PRDM6: variants seen among roughly 807,000 people sequenced by gnomAD.
The protein encoded by PRDM6 is putative histone-lysine N-methyltransferase PRDM6.
A neutral mutation model predicts 60.8 loss-of-function variants in PRDM6; 25 were observed. The ratio of observed to expected loss-of-function variants is 0.41; its 90% confidence interval spans 0.30 to 0.57. The LOEUF (loss-of-function observed/expected upper bound fraction) is 0.57. Among genes scored for constraint, PRDM6 ranks in the 20% least tolerant of loss-of-function variants. PRDM6 has a pLI of 0.27. For synonymous variants in PRDM6, 407 were observed against 357.4 expected, an observed-to-expected ratio of 1.14 and a Z score of -1.57; for missense variants, 839 against 821.3, an observed-to-expected ratio of 1.02 and a Z score of -0.26.
chr5:123,112,927 C>G (rs995429852), intron 3 of PRDM6, among the ~76,000 whole-genome samples: 1 of 151,356 alleles, frequency 6.6e-6, no homozygotes, highest in African/African-American at 2.4e-5. Context: ...TAGTAAACAA[C>G]ATCTCAATCT....
At chr5:123,143,177 GTA>G (rs1554088551) in intron 3 of PRDM6, among the ~76,000 whole-genome samples, 1 of 150,694 alleles carries the variant, frequency 6.6e-6, no homozygotes, top group African/African-American at 2.4e-5. Context: ...GTGTGTGTGT[GTA>G]TGTGGGTGTG....
At position 123,190,010 on chromosome 5, in the gene PRDM6, A is replaced by T. The variant is rs1766376130; in HGVS notation, c.*2809A>T. On this transcript the variant is annotated 3_prime_UTR_variant, in exon 8 of 8. Coordinates refer to ENST00000407847, the MANE Select transcript of PRDM6 (RefSeq NM_001136239.4). ...ATGGGTGGTAGAAATTGCAGTCGTAAAATTTGCCAGTTTTTCTTATTAGTA... is the reference window on the plus strand; with the variant it reads ...ATGGGTGGTAGAAATTGCAGTCGTATAATTTGCCAGTTTTTCTTATTAGTA... 6.6e-6 allele frequency: 1 copy of T among 152,220 alleles called. No individual in the cohort carries two copies. Among genetic ancestry groups the T allele is most frequent in the Non-Finnish European group, 1.5e-5 (1 of 68,040 alleles). 9.4% of individuals were successfully genotyped at this position (152,220 alleles called of 1,614,324 possible).
At chr5:123,142,888 AAAAAAAAAAAAAAAC>A (rs1401979820) in intron 3 of PRDM6, among the ~76,000 whole-genome samples, 1 of 148,636 alleles carries the variant, frequency 6.7e-6, no homozygotes, top group African/African-American at 2.5e-5. Flanking sequence ...AAAAAAAAAA[AAAAAAAAAAAAAAAC>A]AAACAAACCA....
At chr5:123,161,353 A>T (rs994351063) in intron 5 of PRDM6, among the ~76,000 whole-genome samples, 8 of 152,246 alleles carry the variant, frequency 5.3e-5, no homozygotes, top group African/African-American at 1.9e-4. Context: ...CTTACATTTT[A>T]ATGGGGGGAG....
In PRDM6 at chr5:123,090,254, G is replaced by T; in HGVS notation, c.240G>T (p.Ser80=). ...GGCCCGCCTCTCTCTCCTCCGCCTC[G>T]TCCACGCCGGCTTCCTCTTCCACCT... ...RPRPASLSSA[S]STPASSSTSA... is the part of the protein sequence containing the mutation. Residue 80 remains serine, a synonymous_variant, in exon 2 of 8, where the codon TCG becomes TCT. Coordinates refer to ENST00000407847, the MANE Select transcript of PRDM6 (RefSeq NM_001136239.4). 2 of 1,482,104 alleles carry T rather than the reference G, an allele frequency of 1.3e-6. No individual in the cohort carries two copies. The highest frequency in any genetic ancestry group is 1.3e-5 in the South Asian group (1 of 78,408). 91.8% of individuals were successfully genotyped at this position (1,482,104 alleles called of 1,614,324 possible). A position where few individuals can be genotyped will look rare whatever the true frequency, so the allele number is the denominator to read the frequency against.
intron 6 of PRDM6, among the ~76,000 whole-genome samples, chr5:123,176,081 G>A (rs905676061): frequency 1.3e-5 from 2 of 152,072 alleles, no homozygotes; most frequent in Non-Finnish European, 2.9e-5. Flanking sequence ...TTCTGTGTCA[G>A]AACTAGCCAC....
intron 6 of PRDM6, among the ~76,000 whole-genome samples, chr5:123,174,702 C>T (rs1483882284): frequency 6.6e-6 from 1 of 152,102 alleles, no homozygotes; most frequent in Non-Finnish European, 1.5e-5. Context: ...CGTAGATCCT[C>T]AGGGATCCCA....
At chr5:123,172,501 G>T (rs1580537261) in intron 6 of PRDM6, among the ~76,000 whole-genome samples, 2 of 152,112 alleles carry the variant, frequency 1.3e-5, no homozygotes, top group South Asian at 4.1e-4. Context: ...AGTTAAAAAT[G>T]TTTTCCTCAT....
intron 3 of PRDM6, among the ~76,000 whole-genome samples, chr5:123,123,181 T>A (rs1057047551): frequency 6.6e-6 from 1 of 152,246 alleles, no homozygotes. Context: ...TCCTTGTCTA[T>A]ATTCGCTACT....
intron 7 of PRDM6, 91 bp downstream of exon 7, chr5:123,180,414 A>C (rs973928404): frequency 7.6e-7 from 1 of 1,315,782 alleles, no homozygotes. Context: ...TGGCTTAGCC[A>C]GCTGGCACAG....
chr5:123,103,350 A>C (rs1034116531), intron 3 of PRDM6, among the ~76,000 whole-genome samples: 10 of 152,056 alleles, frequency 6.6e-5, no homozygotes, highest in African/African-American at 2.4e-4. Context: ...TAATAAATTC[A>C]GATACTTTAA....
intron 2 of PRDM6, among the ~76,000 whole-genome samples, chr5:123,097,536 G>A (rs1173791646): frequency 6.6e-6 from 1 of 152,088 alleles, no homozygotes; most frequent in African/African-American, 2.4e-5. Flanking sequence ...ATAATATGCT[G>A]GTTTTTGGTT....
chr5:123,165,820 TAC>T (rs1765739594), intron 5 of PRDM6, among the ~76,000 whole-genome samples: 1 of 152,206 alleles, frequency 6.6e-6, no homozygotes, highest in Non-Finnish European at 1.5e-5. Context: ...TATTTACCGA[TAC>T]AGAGTGATGA....
rs549970817 is a variant in PRDM6, at chr5:123,122,937, A to C, written c.900+22976A>C. 6.6e-5 allele frequency among the ~76,000 whole-genome samples: 10 copies of C among 152,218 alleles called. No individual in the cohort carries two copies. The East Asian group carries it at 1.9e-3, about 29-fold the overall frequency. The stretch of plus-strand genomic sequence containing the variant: ...GCATATGGATATGGCCTAATTTTGG[A>C]TATTTGACTTGCTTAAATTTTTCCC... On this transcript the variant is annotated intron_variant, in intron 3 of 7. Transcript: ENST00000407847.
chr5:123,147,887 A>G (rs368030661), intron 3 of PRDM6, among the ~76,000 whole-genome samples: 7 of 152,326 alleles, frequency 4.6e-5, no homozygotes, highest in South Asian at 2.1e-4. Flanking sequence ...GCCTTCAGAG[A>G]TAAGTGGAAT....
intron 5 of PRDM6, among the ~76,000 whole-genome samples, chr5:123,169,064 G>A (rs1209012653): frequency 6.6e-6 from 1 of 152,256 alleles, no homozygotes; most frequent in Non-Finnish European, 1.5e-5. Flanking sequence ...CTGGTGGCCA[G>A]TGGCCATAGT....
chr5:123,120,015 G>A (rs765455050), intron 3 of PRDM6, among the ~76,000 whole-genome samples: 3 of 150,686 alleles, frequency 2.0e-5, no homozygotes, highest in Non-Finnish European at 3.0e-5. Flanking sequence ...TTTTTCCCTC[G>A]TCCTCTCTCC....
intron 4 of PRDM6, 134 bp from the exon 5 acceptor site, chr5:123,159,380 T>G: frequency 1.0e-6 from 1 of 953,150 alleles, no homozygotes. Flanking sequence ...GGACAATCAG[T>G]TGGATGTAAA....
chr5:123,090,558 C>T lies in PRDM6; in HGVS notation c.544C>T (p.Arg182Cys), dbSNP rs1763809695. The T allele has an allele frequency of 6.6e-7, 1 of 1,525,768 alleles. No individual in the cohort carries two copies. The highest frequency in any genetic ancestry group is 8.7e-7 in the Non-Finnish European group (1 of 1,143,762). 94.5% of individuals were successfully genotyped at this position (1,525,768 alleles called of 1,614,324 possible). A position where few individuals can be genotyped will look rare whatever the true frequency, so the allele number is the denominator to read the frequency against. ...GGACTATTACCTGTATGGCCAGCAG[C>T]GCATGGAGATCATCCCGCTCAACCA... ...ELDYYLYGQQ[R>C]MEIIPLNQHT... Residue 182 changes from arginine to cysteine, a missense_variant, in exon 2 of 8, where the codon CGC becomes TGC. Transcript: ENST00000407847.
Sources: allele counts gnomAD v4.1 joint callset (sites outside exome capture counted in the v4.1 genomes callset), GRCh38; gene constraint gnomAD v4.1.1; transcripts MANE v1.5; gene names NCBI Gene and HGNC (gene_info 2026-07-23, HGNC 2026-07-21).